The following PVT1 variants were observed in gnomAD, a reference collection of about 807,000 sequenced individuals.
The protein encoded by PVT1 is CXCR4/PVT1 fusion.
intron 3 of PVT1, among the ~76,000 whole-genome samples, chr8:127,939,271 C>T (rs1217439575): frequency 1.3e-5 from 2 of 152,192 alleles, no homozygotes; most frequent in Non-Finnish European, 2.9e-5. Flanking sequence ...GGCCCTGTAC[C>T]CTGATATGGG....
chr8:128,101,205 GC>G (rs1814500278), intron 6 of PVT1: 1 of 151,714 alleles, frequency 6.6e-6, no homozygotes, highest in Admixed American at 6.6e-5. Context: ...GAACTTCATC[GC>G]CCACGTGGCG....
intron 2 of PVT1, among the ~76,000 whole-genome samples, chr8:127,797,308 A>G (rs1359025508): frequency 1.3e-5 from 2 of 152,234 alleles, no homozygotes; most frequent in Non-Finnish European, 2.9e-5. Context: ...CTGGGATTAC[A>G]GGTGCCACAG....
intron 2 of PVT1, among the ~76,000 whole-genome samples, chr8:127,889,086 T>G (rs1455524073): frequency 6.7e-6 from 1 of 149,844 alleles, no homozygotes; most frequent in Non-Finnish European, 1.5e-5. Context: ...CTTCCTTCCT[T>G]CCTTCCTTCC....
At chr8:127,825,250 C>G (rs1385744726) in intron 2 of PVT1, among the ~76,000 whole-genome samples, 1 of 151,710 alleles carries the variant, frequency 6.6e-6, no homozygotes, top group Non-Finnish European at 1.5e-5. Context: ...TAGATTTCTG[C>G]AAGAATTATC....
chr8:127,817,755 G>A (rs1814683138), intron 2 of PVT1, among the ~76,000 whole-genome samples: 3 of 151,596 alleles, frequency 2.0e-5, no homozygotes, highest in African/African-American at 4.8e-5. Flanking sequence ...TTAGCTGGGT[G>A]TGGTGGCATG....
At chr8:127,993,354 G>A (rs1817065595) in intron 4 of PVT1, among the ~76,000 whole-genome samples, 1 of 152,214 alleles carries the variant, frequency 6.6e-6, no homozygotes, top group Non-Finnish European at 1.5e-5. Flanking sequence ...ACCTGAAAAC[G>A]AAAGCATTTC....
chr8:127,929,277 C>G (rs1586440665), intron 3 of PVT1, among the ~76,000 whole-genome samples: 1 of 150,008 alleles, frequency 6.7e-6, no homozygotes, highest in Non-Finnish European at 1.5e-5. Flanking sequence ...TGTGTAAAAG[C>G]TGTAGTCCCT....
At chr8:127,976,057 C>A (rs972641396) in intron 3 of PVT1, among the ~76,000 whole-genome samples, 1 of 152,168 alleles carries the variant, frequency 6.6e-6, no homozygotes, top group Non-Finnish European at 1.5e-5. Context: ...TTTAAAGAGC[C>A]TTGTTGTCTC....
At chr8:127,981,379 G>A (rs369523525) in intron 3 of PVT1, among the ~76,000 whole-genome samples, 76 of 152,224 alleles carry the variant, frequency 5.0e-4, no homozygotes, top group African/African-American at 1.7e-3. Context: ...TTTTCCTGGC[G>A]CGTTCACCTC....
chr8:127,812,116 AAGAAAG>A (rs1814601092), intron 2 of PVT1, among the ~76,000 whole-genome samples: 1 of 149,168 alleles, frequency 6.7e-6, no homozygotes, highest in Non-Finnish European at 1.5e-5. Flanking sequence ...CTCAAAAGAA[AAGAAAG>A]GAAAAGAAAA....
intron 2 of PVT1, among the ~76,000 whole-genome samples, chr8:127,810,940 C>T (rs909295179): frequency 1.3e-5 from 2 of 152,154 alleles, no homozygotes; most frequent in Admixed American, 6.5e-5. Flanking sequence ...TCACAGCTCA[C>T]ACCCCATAGT....
rs1554606714 is a variant in PVT1, at chr8:128,043,803, C to CACACAT, written n.913-26356_913-26355insCACATA. Among the ~76,000 whole-genome samples the CACACAT allele has an allele frequency of 2.7e-3, 380 of 142,490 alleles. 3 individuals are homozygous for CACACAT. Among genetic ancestry groups the CACACAT allele is most frequent in the Middle Eastern group, 0.015 (4 of 264 alleles). The allele number at this position is 142,490 out of a possible 152,430, so 93.5% of individuals were successfully genotyped here. A position where few individuals can be genotyped will look rare whatever the true frequency, so the allele number is the denominator to read the frequency against. On this transcript the variant is annotated intron_variant and non_coding_transcript_variant, in intron 4 of 10. Transcript: ENST00000651587. ...ACACACACACACACACACACACACA[C>CACACAT]ATACACAAGGAGGCCAAACATCTTG...
rs550396315 is a variant in PVT1 at position 127,935,637 on chromosome 8, G to A, written n.782+44639G>A. Among the ~76,000 whole-genome samples, 61 of 152,238 alleles carry A rather than the reference G, an allele frequency of 4.0e-4. 1 individual carries two copies. The highest frequency in any genetic ancestry group is 1.4e-3 in the African/African-American group (59 of 41,506). On this transcript the variant is annotated intron_variant and non_coding_transcript_variant, in intron 3 of 10. Coordinates refer to ENST00000651587, the Ensembl canonical transcript of PVT1. The stretch of plus-strand genomic sequence containing the variant: ...GAAGAAGGTGAGCCATGCGTGGCCC[G>A]ATGGCACAGAGCATGAGCTCTGGTT...
intron 3 of PVT1, among the ~76,000 whole-genome samples, chr8:127,956,815 T>G (rs1200833876): frequency 1.3e-5 from 2 of 152,226 alleles, no homozygotes; most frequent in African/African-American, 2.4e-5. Flanking sequence ...CATGTTTCTC[T>G]GCAAAACTTG....
chr8:127,956,088 C>T (rs1816565876), intron 3 of PVT1, among the ~76,000 whole-genome samples: 1 of 152,230 alleles, frequency 6.6e-6, no homozygotes, highest in African/African-American at 2.4e-5. Flanking sequence ...GGGAGGTAGA[C>T]AGGTACATCT....
chr8:127,907,051 C>A (rs1001479707), intron 3 of PVT1, among the ~76,000 whole-genome samples: 3 of 151,786 alleles, frequency 2.0e-5, no homozygotes, highest in Admixed American at 2.0e-4. Context: ...ACCTCCCTCT[C>A]CCGGGCTCAA....
chr8:127,952,516 T>C (rs567004652), intron 3 of PVT1, among the ~76,000 whole-genome samples: 5 of 152,376 alleles, frequency 3.3e-5, no homozygotes, highest in South Asian at 2.1e-4. Flanking sequence ...CTCATTTCAT[T>C]TGATGCTTCC....
intron 4 of PVT1, among the ~76,000 whole-genome samples, chr8:128,019,451 G>C (rs534807883): frequency 6.8e-4 from 103 of 152,270 alleles, no homozygotes; most frequent in African/African-American, 2.4e-3. Context: ...CTGAATTGTA[G>C]GTTTGTCAAT....
chr8:127,801,889 ATTATTTATTTATTTAT>A (rs56208015), intron 2 of PVT1, among the ~76,000 whole-genome samples: 2,621 of 147,478 alleles, frequency 0.018, 65 homozygotes, highest in African/African-American at 0.061. Context: ...AAGATATCTC[ATTATTTATTTATTTAT>A]TTATTTATTT....
Sources: gnomAD v4.1 joint callset for allele counts (sites outside exome capture counted in the v4.1 genomes callset) on GRCh38, gnomAD v4.1.1 for gene constraint, MANE v1.5 for transcripts, NCBI Gene and HGNC (gene_info 2026-07-23, HGNC 2026-07-21) for gene names.